The following PIK3C2A variants were observed in gnomAD, a reference collection of about 807,000 sequenced individuals.
PIK3C2A encodes phosphatidylinositol-4-phosphate 3-kinase catalytic subunit type 2 alpha.
A neutral mutation model predicts 204.5 loss-of-function variants in PIK3C2A; 97 were observed. That is an observed-to-expected ratio of 0.47 (90% CI 0.40 to 0.56). PIK3C2A has a LOEUF of 0.56. Among genes scored for constraint, PIK3C2A ranks in the 20% least tolerant of loss-of-function variants. The probability of loss-of-function intolerance (pLI) is 0.00; values close to 1 mark genes in which losing one functional copy is unlikely to be tolerated. For synonymous variants in PIK3C2A, 653 were observed against 664.4 expected (o/e 0.98, Z 0.26); for missense variants, 1,735 against 1,969.2 (o/e 0.88, Z 2.25).
At chr11:17,193,239 C>T (rs1231626217) in intron 1 of PIK3C2A, among the ~76,000 whole-genome samples, 1 of 152,176 alleles carries the variant, frequency 6.6e-6, no homozygotes, top group East Asian at 1.9e-4. Flanking sequence ...GGTATTGTTA[C>T]AGCAGCAGAA....
intron 25 of PIK3C2A, among the ~76,000 whole-genome samples, chr11:17,100,553 G>A (rs1469829919): frequency 1.3e-5 from 2 of 151,978 alleles, no homozygotes; most frequent in African/African-American, 2.4e-5. Flanking sequence ...ATAGATTTAG[G>A]GGGTACAAGT....
intron 8 of PIK3C2A, among the ~76,000 whole-genome samples, chr11:17,143,475 C>A (rs1850129466): frequency 1.3e-5 from 2 of 152,124 alleles, no homozygotes; most frequent in South Asian, 4.1e-4. Flanking sequence ...AGGCTAAAAA[C>A]ACCTTAAGTG....
chr11:17,205,121 G>A (rs1295176131), intron 1 of PIK3C2A, among the ~76,000 whole-genome samples: 1 of 151,866 alleles, frequency 6.6e-6, no homozygotes, highest in Non-Finnish European at 1.5e-5. Flanking sequence ...AAGTTTCAGT[G>A]AGCTGAGATC....
chr11:17,166,882 T>G (rs1386439420), intron 2 of PIK3C2A, among the ~76,000 whole-genome samples: 1 of 152,204 alleles, frequency 6.6e-6, no homozygotes, highest in East Asian at 1.9e-4. Flanking sequence ...GGGAGTCATC[T>G]GCCTATTAGA....
rs1013596847 is a variant in PIK3C2A at position 17,086,929 on chromosome 11, C to A, written c.*2809G>T. On this transcript the variant is annotated 3_prime_UTR_variant, in exon 33 of 33. Transcript: ENST00000691414. Reference sequence around the variant, plus strand: ...GCAAGATATTGAAACTTTTATACAACTTTAATTTGAAAAAAGAAATGATCA... The same window carrying A: ...GCAAGATATTGAAACTTTTATACAAATTTAATTTGAAAAAAGAAATGATCA... 1 of 152,070 alleles carries A rather than the reference C, an allele frequency of 6.6e-6. No individual in the cohort carries two copies. Among genetic ancestry groups the A allele is most frequent in the Admixed American group, 6.6e-5 (1 of 15,250 alleles). 9.4% of individuals were successfully genotyped at this position (152,070 alleles called of 1,614,324 possible). A position where few individuals can be genotyped will look rare whatever the true frequency, so the allele number is the denominator to read the frequency against.
intron 24 of PIK3C2A, among the ~76,000 whole-genome samples, chr11:17,102,227 G>A (rs1385789239): frequency 1.3e-5 from 2 of 152,104 alleles, no homozygotes; most frequent in East Asian, 1.9e-4. Flanking sequence ...ACTTGGTCAG[G>A]AGATCGAGAC....
chr11:17,118,780 A>G (rs1186016681), intron 17 of PIK3C2A, 41 bp from the exon 18 acceptor site: 4 of 922,224 alleles, frequency 4.3e-6, no homozygotes, highest in Middle Eastern at 4.5e-4. Flanking sequence ...GGTCTAACCC[A>G]TACTAAATTG....
At chr11:17,163,923 A>G (rs1265436948) in intron 2 of PIK3C2A, among the ~76,000 whole-genome samples, 1 of 151,440 alleles carries the variant, frequency 6.6e-6, no homozygotes, top group Non-Finnish European at 1.5e-5. Flanking sequence ...AAAAAAAAAA[A>G]GTCCACTTCC....
At chr11:17,140,744 C>A (rs553549445) in intron 8 of PIK3C2A, among the ~76,000 whole-genome samples, 14 of 152,274 alleles carry the variant, frequency 9.2e-5, no homozygotes, top group Non-Finnish European at 1.9e-4. Flanking sequence ...AATTATACAA[C>A]TCTATGCATT....
intron 21 of PIK3C2A, among the ~76,000 whole-genome samples, chr11:17,112,316 G>C (rs558263365): frequency 6.6e-6 from 1 of 152,218 alleles, no homozygotes; most frequent in South Asian, 2.1e-4. Context: ...AGCCGGGCAT[G>C]GTGGCAGGTG....
intron 1 of PIK3C2A, among the ~76,000 whole-genome samples, chr11:17,192,316 C>T (rs1851974206): frequency 6.6e-6 from 1 of 152,108 alleles, no homozygotes; most frequent in Non-Finnish European, 1.5e-5. Context: ...GAACAGGAGA[C>T]TTAATTTAAC....
chr11:17,153,003 A>G (rs1468726849), intron 3 of PIK3C2A, among the ~76,000 whole-genome samples: 1 of 152,190 alleles, frequency 6.6e-6, no homozygotes, highest in Non-Finnish European at 1.5e-5. Context: ...TATAAATAGT[A>G]TATATATGAA....
chr11:17,116,992 T>C (rs1849215959), intron 19 of PIK3C2A, among the ~76,000 whole-genome samples: 1 of 152,192 alleles, frequency 6.6e-6, no homozygotes, highest in Non-Finnish European at 1.5e-5. Flanking sequence ...GGAATATTAT[T>C]CAACCAAAAA....
At chr11:17,198,964 C>T (rs1269711178) in intron 1 of PIK3C2A, among the ~76,000 whole-genome samples, 1 of 151,942 alleles carries the variant, frequency 6.6e-6, no homozygotes, top group Admixed American at 6.6e-5. Flanking sequence ...ACCAAAAATA[C>T]AAAAATTAGC....
chr11:17,129,478 A>G lies in PIK3C2A; in HGVS notation c.2232-11T>C, dbSNP rs755733914. 16 of 1,543,628 alleles carry G rather than the reference A, an allele frequency of 1.0e-5. 1 individual carries two copies. The highest frequency in any genetic ancestry group is 2.0e-4 in the Middle Eastern group (1 of 5,050). On this transcript the variant is annotated splice_polypyrimidine_tract_variant and intron_variant, in intron 12 of 32. Coordinates refer to ENST00000691414, the MANE Select transcript of PIK3C2A (RefSeq NM_002645.4). Reference sequence around the variant, plus strand: ...ATAGGAAAAATGATTCTATGGGGGGAAAAATGTATTAATAGAACAAATTAG... The same window carrying G: ...ATAGGAAAAATGATTCTATGGGGGGGAAAATGTATTAATAGAACAAATTAG...
rs1848249106 is a variant in PIK3C2A at position 17,089,810 on chromosome 11, C to T, written c.4989G>A (p.Leu1663=). The T allele has an allele frequency of 6.2e-7, 1 of 1,613,904 alleles. No individual in the cohort carries two copies. Among genetic ancestry groups the T allele is most frequent in the Middle Eastern group, 1.7e-4 (1 of 6,060 alleles). ...TGCTCAAGTTGAAATCTTTCAAAGG[C>T]AGGGTTACTCCACCCAAGAAAAAAT... ...RENFFLGGVT[L]PLKDFNLSKE... Residue 1663 remains leucine, a synonymous_variant, in exon 33 of 33, where the codon CTG becomes CTA. Transcript: ENST00000691414.
chr11:17,165,754 A>G (rs1341873034), intron 2 of PIK3C2A, among the ~76,000 whole-genome samples: 1 of 118,174 alleles, frequency 8.5e-6, no homozygotes, highest in Non-Finnish European at 1.6e-5. Context: ...CAGCCTGGGC[A>G]ACAAGAGAGA....
intron 1 of PIK3C2A, among the ~76,000 whole-genome samples, chr11:17,179,281 A>G (rs1385484304): frequency 1.3e-5 from 2 of 151,486 alleles, no homozygotes; most frequent in Non-Finnish European, 2.9e-5. Context: ...TTTGCCTTAA[A>G]CTCTTGAGCA....
In PIK3C2A at chr11:17,196,639, C is replaced by T. The variant is rs184330909; in HGVS notation, c.-66+11209G>A. ...GCCTGGAGTGCAGTGGCTCGATCTC[C>T]GCTCACTGCAAGCTCCGCCTCCCGG... On this transcript the variant is annotated intron_variant, in intron 1 of 32. Transcript: ENST00000691414. Among the ~76,000 whole-genome samples, 7 of 151,958 alleles carry T rather than the reference C, an allele frequency of 4.6e-5. No homozygotes were observed. The East Asian group carries it at 5.8e-4, about 13-fold the overall frequency.
Sources: gnomAD v4.1 joint callset for allele counts (sites outside exome capture counted in the v4.1 genomes callset) on GRCh38, gnomAD v4.1.1 for gene constraint, MANE v1.5 for transcripts, NCBI Gene and HGNC (gene_info 2026-07-23, HGNC 2026-07-21) for gene names.